The following ADAMTSL1 variants were observed in gnomAD, a reference collection of about 807,000 sequenced individuals.
ADAMTSL1 encodes the protein ADAMTS-like protein 1.
In ADAMTSL1, 126 loss-of-function variants were observed where a neutral mutation model predicts 201.8. The ratio of observed to expected loss-of-function variants is 0.62; its 90% confidence interval spans 0.54 to 0.72. The LOEUF is 0.72. ADAMTSL1 is among the 30% of genes least tolerant of loss of function. The pLI is 0.00. For synonymous variants in ADAMTSL1, 1,121 were observed against 903.4 expected (o/e 1.24, Z -4.32); for missense variants, 2,679 against 2,277.8 (o/e 1.18, Z -3.59).
Position 18,729,495 on chromosome 9 carries a change from A to C in ADAMTSL1, c.2006+7830A>C, listed in dbSNP as rs79440049. The stretch of plus-strand genomic sequence containing the variant: ...ATTCAGGCAGCAAGGATGGCTCAAC[A>C]TTGAAATGCTGAATGTTTTTATAAT... On this transcript the variant is annotated intron_variant, in intron 15 of 28. Transcript: ENST00000380548. Among the ~76,000 whole-genome samples the C allele has an allele frequency of 1.2e-3, 177 of 152,356 alleles. 1 individual carries two copies. Among genetic ancestry groups the C allele is most frequent in the African/African-American group, 3.9e-3 (164 of 41,588 alleles).
chr9:18,002,170 T>C (rs753926992), intron 1 of ADAMTSL1, among the ~76,000 whole-genome samples: 1 of 152,066 alleles, frequency 6.6e-6, no homozygotes, highest in Admixed American at 6.6e-5. Context: ...TATTTTCTGA[T>C]ACTAGAGATC....
At chr9:18,576,795 T>C (rs1822763602) in intron 4 of ADAMTSL1, among the ~76,000 whole-genome samples, 3 of 152,194 alleles carry the variant, frequency 2.0e-5, no homozygotes, top group Admixed American at 2.0e-4. Flanking sequence ...ATAGCTTCCA[T>C]TTTTGAGTGA....
At chr9:17,939,888 A>C (rs1362920473) in intron 1 of ADAMTSL1, among the ~76,000 whole-genome samples, 4 of 152,152 alleles carry the variant, frequency 2.6e-5, no homozygotes, top group African/African-American at 9.7e-5. Context: ...GGGGAGCAAA[A>C]GAGTCAGTTA....
At chr9:18,897,823 T>C (rs553925827) in intron 26 of ADAMTSL1, among the ~76,000 whole-genome samples, 1 of 152,274 alleles carries the variant, frequency 6.6e-6, no homozygotes, top group South Asian at 2.1e-4. Context: ...ACACTTCTCC[T>C]GCAAGGGCAC....
At chr9:18,138,879 C>G (rs1826272750) in intron 1 of ADAMTSL1, among the ~76,000 whole-genome samples, 1 of 152,018 alleles carries the variant, frequency 6.6e-6, no homozygotes, top group African/African-American at 2.4e-5. Flanking sequence ...TAGCCATAAG[C>G]CTCTTGCATG....
intron 1 of ADAMTSL1, among the ~76,000 whole-genome samples, chr9:18,112,493 T>G (rs1236540394): frequency 6.6e-6 from 1 of 151,890 alleles, no homozygotes; most frequent in Non-Finnish European, 1.5e-5. Context: ...TGGGTTTTTT[T>G]TTTTTCCTAG....
chr9:18,403,291 C>A (rs1053992907), intron 2 of ADAMTSL1, among the ~76,000 whole-genome samples: 5 of 151,942 alleles, frequency 3.3e-5, no homozygotes, highest in Non-Finnish European at 5.9e-5. Flanking sequence ...TTAAGTGATT[C>A]TCTTGCCTCA....
intron 15 of ADAMTSL1, among the ~76,000 whole-genome samples, chr9:18,752,882 T>A (rs1819543191): frequency 6.6e-6 from 1 of 152,216 alleles, no homozygotes. Flanking sequence ...AAATTTTCAG[T>A]CTTGCTAAGA....
chr9:18,511,344 G>C (rs1288785444), intron 2 of ADAMTSL1, among the ~76,000 whole-genome samples: 2 of 151,582 alleles, frequency 1.3e-5, no homozygotes, highest in Admixed American at 1.3e-4. Context: ...TCAGCAATGG[G>C]CTTGGCTGTT....
rs550570553 is a variant in ADAMTSL1, at chr9:18,169,368, C to T, written c.207+5387C>T. On this transcript the variant is annotated intron_variant, in intron 2 of 29. Coordinates refer to the ADAMTSL1 transcript ENST00000680146. ...TGGCTAGCCAGTTTTCCCAGCACCA[C>T]TTATTAAATAGGGAATCCTTTCCCC... is the stretch of plus-strand genomic sequence containing the variant. Among the ~76,000 whole-genome samples, 773 of 151,846 alleles carry T rather than the reference C, an allele frequency of 5.1e-3. 9 individuals carry two copies. The highest frequency in any genetic ancestry group is 0.014 in the Middle Eastern group (4 of 294).
intron 7 of ADAMTSL1, among the ~76,000 whole-genome samples, chr9:18,642,633 A>T (rs1380245736): frequency 1.3e-5 from 2 of 151,878 alleles, no homozygotes; most frequent in East Asian, 3.9e-4. Context: ...TGTTTCTATT[A>T]GGTCAATTGT....
At chr9:17,948,262 C>G (rs1827588765) in intron 1 of ADAMTSL1, among the ~76,000 whole-genome samples, 1 of 152,224 alleles carries the variant, frequency 6.6e-6, no homozygotes, top group African/African-American at 2.4e-5. Context: ...TCCAACTCCT[C>G]TCTGCATGTT....
intron 1 of ADAMTSL1, among the ~76,000 whole-genome samples, chr9:17,917,082 C>T (rs1234778616): frequency 6.6e-6 from 1 of 151,994 alleles, no homozygotes; most frequent in Non-Finnish European, 1.5e-5. Flanking sequence ...TACAAAAATA[C>T]AATTGATTTT....
intron 3 of ADAMTSL1, among the ~76,000 whole-genome samples, chr9:18,565,054 C>T (rs113506245): frequency 1.3e-5 from 2 of 152,180 alleles, no homozygotes; most frequent in Non-Finnish European, 2.9e-5. Context: ...GATCAACTCT[C>T]AGATGCCTGG....
intron 2 of ADAMTSL1, among the ~76,000 whole-genome samples, chr9:18,309,204 T>C (rs190000200): frequency 3.6e-4 from 55 of 152,296 alleles, no homozygotes; most frequent in African/African-American, 1.3e-3. Context: ...ATAAGAGCTG[T>C]TTTTGACAAA....
intron 24 of ADAMTSL1, among the ~76,000 whole-genome samples, chr9:18,888,359 T>C (rs928567790): frequency 2.6e-5 from 4 of 152,224 alleles, no homozygotes; most frequent in Non-Finnish European, 5.9e-5. Flanking sequence ...GTGATTCTTT[T>C]ATGCTGATTT....
At chr9:18,497,491 C>T (rs1822590019) in intron 1 of ADAMTSL1, among the ~76,000 whole-genome samples, 1 of 152,070 alleles carries the variant, frequency 6.6e-6, no homozygotes, top group African/African-American at 2.4e-5. Context: ...AGAAAATCTC[C>T]TTTAGTCTTC....
At chr9:18,335,061 C>T (rs562432726) in intron 2 of ADAMTSL1, among the ~76,000 whole-genome samples, 16 of 152,112 alleles carry the variant, frequency 1.1e-4, no homozygotes, top group Non-Finnish European at 1.8e-4. Flanking sequence ...TTGAAGGTTA[C>T]GTAAGGCATT....
intron 2 of ADAMTSL1, among the ~76,000 whole-genome samples, chr9:18,217,574 T>C (rs1830098695): frequency 6.6e-6 from 1 of 152,180 alleles, no homozygotes; most frequent in Non-Finnish European, 1.5e-5. Context: ...CCTACCATCA[T>C]ATATCTCTGA....
Sources: allele counts gnomAD v4.1 joint callset (sites outside exome capture counted in the v4.1 genomes callset), GRCh38; gene constraint gnomAD v4.1.1; transcripts MANE v1.5; gene names NCBI Gene and HGNC (gene_info 2026-07-23, HGNC 2026-07-21).